The following TRPM4 variants were observed in gnomAD, a reference collection of about 807,000 sequenced individuals.
The protein encoded by TRPM4 is transient receptor potential cation channel subfamily M member 4, also known as calcium-activated non-selective cation channel 1.
TRPM4 carries 124 observed loss-of-function variants against 135.6 expected under a neutral mutation model. The observed-to-expected ratio is 0.91, with a 90% confidence interval of 0.79 to 1.06. The LOEUF (loss-of-function observed/expected upper bound fraction) is 1.06. Among genes scored for constraint, TRPM4 ranks in the 50% least tolerant of loss-of-function variants. The probability of loss-of-function intolerance (pLI) is 0.00; values close to 1 mark genes in which losing one functional copy is unlikely to be tolerated. For synonymous variants in TRPM4, 745 were observed against 705.6 expected (o/e 1.06, Z -0.88); for missense variants, 1,658 against 1,671.4 (o/e 0.99, Z 0.14).
chr19:49,167,971 C>T lies in TRPM4; in HGVS notation c.322C>T (p.Arg108Cys), dbSNP rs115335683. The change falls in exon 4 of 25, where the codon CGC becomes TGC. Residue 108 changes from arginine (R) to cysteine (C), a missense_variant. Physicochemically the swap from Arg to Cys is radical, Grantham distance 180. Around this residue, in one of 3 missense-constraint regions of TRPM4, gnomAD observed 239 missense variants for 240.1 expected, o/e 1.00. Transcript: ENST00000252826. ...AGCTGCAGTTTATAGTCTGGTCACA[C>T]GCACATGGGGCTTCCGTGCCCCGAA... ...DPAAVYSLVTRTWGFRAPNLV... is the reference protein window; with the variant it reads ...DPAAVYSLVTCTWGFRAPNLV... 1.7e-3 allele frequency: 2,701 copies of T among 1,613,348 alleles called. 53 individuals are homozygous for T. The African/African-American group carries it at 0.032, about 19-fold the overall frequency.
At chr19:49,194,560 C>T (rs1286835488) in intron 16 of TRPM4, among the ~76,000 whole-genome samples, 2 of 149,448 alleles carry the variant, frequency 1.3e-5, no homozygotes, top group African/African-American at 4.9e-5. Context: ...TATTTCCTTC[C>T]TTCCTCCTTC....
At chr19:49,189,449 T>C (rs1157333312) in intron 14 of TRPM4, among the ~76,000 whole-genome samples, 1 of 152,088 alleles carries the variant, frequency 6.6e-6, no homozygotes, top group African/African-American at 2.4e-5. Flanking sequence ...CCACAGGAAG[T>C]CCTACGGCAT....
chr19:49,198,981 G>A (rs992171416), intron 17 of TRPM4, among the ~76,000 whole-genome samples: 1 of 152,162 alleles, frequency 6.6e-6, no homozygotes, highest in Non-Finnish European at 1.5e-5. Context: ...ATTTATTTTT[G>A]ACATGGATAG....
intron 2 of TRPM4, among the ~76,000 whole-genome samples, chr19:49,160,120 G>A (rs1389006939): frequency 6.6e-6 from 1 of 152,200 alleles, no homozygotes; most frequent in African/African-American, 2.4e-5. Context: ...GACACAAAAT[G>A]TCACTAATGG....
intron 16 of TRPM4, among the ~76,000 whole-genome samples, chr19:49,194,217 C>T (rs895584898): frequency 1.3e-5 from 2 of 151,886 alleles, no homozygotes; most frequent in Non-Finnish European, 2.9e-5. Context: ...GCTCCTCCTC[C>T]TCCTGCTCCT....
intron 3 of TRPM4, among the ~76,000 whole-genome samples, chr19:49,167,112 C>A (rs538677572): frequency 1.2e-4 from 18 of 147,590 alleles, no homozygotes; most frequent in African/African-American, 4.5e-4. Context: ...GTCTCTGTCC[C>A]TCTCTCTCTG....
intron 16 of TRPM4, among the ~76,000 whole-genome samples, chr19:49,193,749 T>C (rs1244863226): frequency 1.3e-5 from 2 of 152,194 alleles, no homozygotes; most frequent in Non-Finnish European, 2.9e-5. Flanking sequence ...TGAAATACCA[T>C]GATGGTTTTC....
intron 17 of TRPM4, among the ~76,000 whole-genome samples, chr19:49,198,762 TTTC>T (rs1968797411): frequency 1.3e-5 from 2 of 152,188 alleles, no homozygotes; most frequent in South Asian, 4.1e-4. Flanking sequence ...TCTCTCTTTC[TTTC>T]TTTTTTTGTT....
At chr19:49,198,692 G>A (rs950656139) in intron 17 of TRPM4, among the ~76,000 whole-genome samples, 10 of 149,440 alleles carry the variant, frequency 6.7e-5, no homozygotes, top group Admixed American at 1.3e-4. Flanking sequence ...AATCATCTCC[G>A]GAATTGAATG....
intron 9 of TRPM4, among the ~76,000 whole-genome samples, chr19:49,174,743 C>CAAA (rs34163341): frequency 1.1e-5 from 1 of 94,528 alleles, no homozygotes; most frequent in Non-Finnish European, 2.1e-5. Flanking sequence ...GACTCTGTCT[C>CAAA]AAAAAAAAAA....
chr19:49,174,034 TCAAAGAC>T (rs1349232236), intron 9 of TRPM4, among the ~76,000 whole-genome samples: 1 of 152,008 alleles, frequency 6.6e-6, no homozygotes, highest in East Asian at 1.9e-4. Flanking sequence ...TTTCCTGCTC[TCAAAGAC>T]CCCAGATCCC....
intron 20 of TRPM4, among the ~76,000 whole-genome samples, chr19:49,203,944 G>A (rs8102299): frequency 0.22 from 33,658 of 151,904 alleles, 6,650 homozygotes; most frequent in African/African-American, 0.54. Flanking sequence ...CCTGGCCAAC[G>A]TGGCAGGACC....
rs756361248 is a variant in TRPM4 at position 49,202,033 on chromosome 19, C to T, written c.3023C>T (p.Ala1008Val). 9.9e-6 allele frequency: 16 copies of T among 1,613,912 alleles called. No homozygotes were observed. Among genetic ancestry groups the T allele is most frequent in the South Asian group, 5.5e-5 (5 of 91,088 alleles). The change falls in exon 20 of 25, where the codon GCG becomes GTG. Residue 1008 changes from alanine (A) to valine (V), a missense_variant. Physicochemically the swap from Ala to Val is moderately conservative, Grantham distance 64. Transcript: ENST00000252826. ...GFWAHPPGAQ[A>V]GTCVSQYANW... Reference sequence around the variant, plus strand: ...TGGGCACACCCTCCTGGGGCCCAGGCGGGCACCTGCGTCTCCCAGTATGCC... The same window carrying T: ...TGGGCACACCCTCCTGGGGCCCAGGTGGGCACCTGCGTCTCCCAGTATGCC...
intron 12 of TRPM4, among the ~76,000 whole-genome samples, chr19:49,184,259 T>C (rs1460783326): frequency 6.6e-6 from 1 of 152,042 alleles, no homozygotes; most frequent in Non-Finnish European, 1.5e-5. Flanking sequence ...TAGGCTCTGC[T>C]TATTTTCCTT....
In TRPM4 at chr19:49,188,880, C is replaced by G. The variant is rs1281956762; in HGVS notation, c.1874-66C>G. ...GCGCCATCCCCTTAAATTCCCTTAC[C>G]TCTCCCTTCACACCCTCACCCTACT... On this transcript the variant is annotated intron_variant, in intron 13 of 24. Transcript: ENST00000252826. 32 of 1,613,236 alleles carry G rather than the reference C, an allele frequency of 2.0e-5. No individual in the cohort carries two copies. The South Asian group carries it at 2.5e-4, about 13-fold the overall frequency.
At chr19:49,162,874 G>T (rs943769576) in intron 2 of TRPM4, among the ~76,000 whole-genome samples, 3 of 151,870 alleles carry the variant, frequency 2.0e-5, no homozygotes, top group Non-Finnish European at 4.4e-5. Flanking sequence ...CCATTCTCCT[G>T]CCTCAGCCTC....
chr19:49,194,142 T>C (rs1367967177), intron 16 of TRPM4, among the ~76,000 whole-genome samples: 9 of 93,144 alleles, frequency 9.7e-5, no homozygotes, highest in African/African-American at 1.3e-4. Context: ...CCTTCTCCTC[T>C]TCCTCCTCTT....
rs569603395 is a variant in TRPM4 at position 49,171,922 on chromosome 19, G to C, written c.1051-87G>C. 6.5e-6 allele frequency: 9 copies of C among 1,390,664 alleles called. No homozygotes were observed. The African/African-American group carries it at 1.1e-4, about 18-fold the overall frequency. 86.1% of individuals were successfully genotyped at this position (1,390,664 alleles called of 1,614,324 possible). ...ATATAGACTATTAGGTCCTGGAGGG[G>C]AATGGCCTCCTCCATCCCTTTGGAC... is the stretch of plus-strand genomic sequence containing the variant. On this transcript the variant is annotated intron_variant, in intron 8 of 24. Transcript: ENST00000252826. The surrounding 1 kb of genome is among the most constrained non-coding windows in gnomAD (Gnocchi z 4.7).
chr19:49,169,136 G>C (rs1268569239), intron 6 of TRPM4, among the ~76,000 whole-genome samples: 2 of 151,238 alleles, frequency 1.3e-5, no homozygotes, highest in Non-Finnish European at 2.9e-5. Context: ...GGAGGTGGAG[G>C]TTGCAGTGAG....
Sources: gnomAD v4.1 joint callset for allele counts (sites outside exome capture counted in the v4.1 genomes callset) on GRCh38, gnomAD v4.1.1 for gene constraint, gnomAD v4.1.1 regional missense constraint, Gnocchi (gnomAD v3.1) non-coding constraint, MANE v1.5 for transcripts, NCBI Gene and HGNC (gene_info 2026-07-23, HGNC 2026-07-21) for gene names.